ARHGAP5: variants seen among roughly 807,000 people sequenced by gnomAD.
ARHGAP5 encodes the protein Rho GTPase activating protein 5, also known as rho GTPase-activating protein 5.
A neutral mutation model predicts 116.6 loss-of-function variants in ARHGAP5; 23 were observed. The ratio of observed to expected loss-of-function variants is 0.20; its 90% CI spans 0.14 to 0.28. The LOEUF is 0.28. Ranked by LOEUF, ARHGAP5 falls within the 10% of genes least tolerant of loss-of-function variation. The pLI, the probability that ARHGAP5 is intolerant of heterozygous loss-of-function variation, is 1.00. For missense variants in ARHGAP5, 1,405 were observed against 1,774.8 expected, an observed-to-expected ratio of 0.79 and a Z score of 3.74; for synonymous variants, 574 against 602.0, an observed-to-expected ratio of 0.95 and a Z score of 0.68.
chr14:32,114,779 A>G (rs1014187142), intron 2 of ARHGAP5, among the ~76,000 whole-genome samples: 1 of 152,238 alleles, frequency 6.6e-6, no homozygotes, highest in South Asian at 2.1e-4. Context: ...TCAGAGACTC[A>G]GAAGAATACA....
At chr14:32,095,148 G>C (rs1878456136) in intron 2 of ARHGAP5, among the ~76,000 whole-genome samples, 2 of 152,232 alleles carry the variant, frequency 1.3e-5, no homozygotes, top group Admixed American at 6.5e-5. Context: ...TTATGCTAAT[G>C]TGTTGGTCAT....
chr14:32,094,048 A>C lies in ARHGAP5; in HGVS notation c.3379A>C (p.Asn1127His). 1 of 1,613,946 alleles carries C rather than the reference A, an allele frequency of 6.2e-7. No individual in the cohort carries two copies. Residue 1127 changes from asparagine (N) to histidine (H), a missense_variant, in exon 2 of 7, where the codon AAT becomes CAT. Transcript: ENST00000345122. ...NRIKIRNSFVNNTQGDEENGF... is the reference protein window; with the variant it reads ...NRIKIRNSFVHNTQGDEENGF... ...TATTAAAATTCGAAACTCATTTGTA[A>C]ATAACACCCAAGGAGATGAAGAAAA...
At chr14:32,115,964 C>T (rs1335619768) in intron 2 of ARHGAP5, among the ~76,000 whole-genome samples, 2 of 148,446 alleles carry the variant, frequency 1.3e-5, no homozygotes, top group Admixed American at 6.8e-5. Context: ...CACTGCTCTC[C>T]AAGCTGGGTG....
intron 1 of ARHGAP5, among the ~76,000 whole-genome samples, chr14:32,087,704 A>G (rs2041843859): frequency 6.6e-6 from 1 of 151,970 alleles, no homozygotes; most frequent in South Asian, 2.1e-4. Flanking sequence ...TGGTCTGCCT[A>G]ACAGCCTTGT....
Position 32,154,677 on chromosome 14 carries a change from T to C in ARHGAP5, c.4238T>C (p.Phe1413Ser). The C allele has an allele frequency of 6.2e-7, 1 of 1,614,172 alleles. No homozygotes were observed. The highest frequency in any genetic ancestry group is 8.5e-7 in the Non-Finnish European group (1 of 1,179,994). Reference sequence around the variant, plus strand: ...ACAGCAGACAACTTATCCATCTGTTTTTGGCCAACCTTGATGAGACCTGAT... The same window carrying C: ...ACAGCAGACAACTTATCCATCTGTTCTTGGCCAACCTTGATGAGACCTGAT... ...LMTADNLSIC[F>S]WPTLMRPDFE... Residue 1413 changes from phenylalanine to serine, a missense_variant, in exon 7 of 7, where the codon TTT becomes TCT. This residue lies in a region of ARHGAP5 where 5 missense variants were observed against 24.1 expected (regional missense o/e 0.21). Coordinates refer to ENST00000345122, the MANE Select transcript of ARHGAP5 (RefSeq NM_001030055.2).
At chr14:32,113,571 C>G (rs906970581) in intron 2 of ARHGAP5, among the ~76,000 whole-genome samples, 2 of 152,158 alleles carry the variant, frequency 1.3e-5, no homozygotes, top group African/African-American at 4.8e-5. Context: ...ACTTTATGGA[C>G]CTTGGGACGT....
At position 32,157,051 on chromosome 14, in the gene ARHGAP5, T is replaced by C. The variant is rs1215796583; in HGVS notation, c.*2103T>C. The C allele has an allele frequency of 6.6e-6, 1 of 152,392 alleles. No homozygotes were observed. Among genetic ancestry groups the C allele is most frequent in the Non-Finnish European group, 1.5e-5 (1 of 67,808 alleles). 9.4% of individuals were successfully genotyped at this position (152,392 alleles called of 1,614,324 possible). Reference sequence around the variant, plus strand: ...GTTATTAAAACTGGCATTTACCGTTTTTCACATTAACCCACCTTGCACCTT... The same window carrying C: ...GTTATTAAAACTGGCATTTACCGTTCTTCACATTAACCCACCTTGCACCTT... On this transcript the variant is annotated 3_prime_UTR_variant, in exon 7 of 7. Coordinates refer to ENST00000345122, the MANE Select transcript of ARHGAP5 (RefSeq NM_001030055.2).
intron 3 of ARHGAP5, among the ~76,000 whole-genome samples, chr14:32,137,068 G>A (rs1880842519): frequency 6.6e-6 from 1 of 151,546 alleles, no homozygotes. Flanking sequence ...AGTTTTAAAT[G>A]TTAATGAAAT....
Position 32,110,158 on chromosome 14 carries a change from G to A in ARHGAP5, c.3718-6982G>A, listed in dbSNP as rs182023310. Among the ~76,000 whole-genome samples the A allele has an allele frequency of 1.8e-3, 275 of 151,028 alleles. 1 individual carries two copies. The highest frequency in any genetic ancestry group is 8.1e-3 in the South Asian group (39 of 4,796). On this transcript the variant is annotated intron_variant, in intron 2 of 6. Coordinates refer to ENST00000345122, the MANE Select transcript of ARHGAP5 (RefSeq NM_001030055.2). The stretch of plus-strand genomic sequence containing the variant: ...TGTTTGAGGTATGTTGATGAACAAA[G>A]CAGATAAAAATTCCTGCCCTTGTGT...
At chr14:32,136,130 G>C (rs1880780008) in intron 3 of ARHGAP5, among the ~76,000 whole-genome samples, 1 of 151,886 alleles carries the variant, frequency 6.6e-6, no homozygotes, top group South Asian at 2.1e-4. Flanking sequence ...GAATTTTTTT[G>C]AGGTAAAATT....
At chr14:32,120,128 T>C (rs538260323) in intron 3 of ARHGAP5, among the ~76,000 whole-genome samples, 2 of 152,228 alleles carry the variant, frequency 1.3e-5, no homozygotes, top group East Asian at 3.9e-4. Context: ...CTTTAGTAGA[T>C]ATAGTGCTAT....
intron 3 of ARHGAP5, among the ~76,000 whole-genome samples, chr14:32,118,703 A>T (rs1422472778): frequency 2.6e-5 from 4 of 152,232 alleles, no homozygotes; most frequent in Non-Finnish European, 5.9e-5. Flanking sequence ...TTAATGTAGC[A>T]GAAATGCAAA....
intron 1 of ARHGAP5, among the ~76,000 whole-genome samples, chr14:32,078,776 A>G (rs1488399080): frequency 6.6e-6 from 1 of 152,186 alleles, no homozygotes; most frequent in African/African-American, 2.4e-5. Flanking sequence ...ATCTAGATGC[A>G]GCGATTAGAC....
chr14:32,127,830 A>G (rs1880255073), intron 3 of ARHGAP5, among the ~76,000 whole-genome samples: 1 of 140,512 alleles, frequency 7.1e-6, no homozygotes, highest in Non-Finnish European at 1.5e-5. Context: ...CCGGGCGGAG[A>G]TGCTCCTCAC....
intron 3 of ARHGAP5, among the ~76,000 whole-genome samples, chr14:32,128,665 G>A (rs1016738152): frequency 5.3e-5 from 8 of 152,198 alleles, no homozygotes; most frequent in Non-Finnish European, 7.3e-5. Context: ...GCTCCATCCC[G>A]CTGCCCTGAT....
chr14:32,146,511 G>A (rs952930702), intron 4 of ARHGAP5, among the ~76,000 whole-genome samples, 171 bp downstream of exon 4: 1 of 152,086 alleles, frequency 6.6e-6, no homozygotes, highest in South Asian at 2.1e-4. Context: ...CCACAGTAAA[G>A]GTACAAAACA....
intron 3 of ARHGAP5, among the ~76,000 whole-genome samples, chr14:32,125,237 A>G (rs1041510087): frequency 2.0e-5 from 3 of 152,146 alleles, no homozygotes; most frequent in African/African-American, 7.2e-5. Context: ...CTAATTCTGG[A>G]TATTTCATAT....
chr14:32,148,705 TAAC>T (rs1881505093), intron 4 of ARHGAP5, among the ~76,000 whole-genome samples: 1 of 152,196 alleles, frequency 6.6e-6, no homozygotes, highest in South Asian at 2.1e-4. Context: ...GGCAAAATGT[TAAC>T]AATTGATTTG....
intron 1 of ARHGAP5, among the ~76,000 whole-genome samples, chr14:32,078,617 C>CG (rs1186683614): frequency 1.3e-5 from 2 of 151,700 alleles, no homozygotes; most frequent in African/African-American, 2.4e-5. Flanking sequence ...CAGGTAGGGG[C>CG]GGGGGGCGAG....
Sources: gnomAD v4.1 joint callset for allele counts (sites outside exome capture counted in the v4.1 genomes callset) on GRCh38, gnomAD v4.1.1 for gene constraint, gnomAD v4.1.1 regional missense constraint, MANE v1.5 for transcripts, NCBI Gene and HGNC (gene_info 2026-07-23, HGNC 2026-07-21) for gene names.